Variants in CSMD1 observed in about 807,000 individuals in gnomAD.
CSMD1 encodes CUB and Sushi multiple domains 1, also known as CUB and sushi domain-containing protein 1.
Under a neutral mutation model 417.5 loss-of-function variants are expected in CSMD1, and 213 were observed. That is an observed-to-expected ratio of 0.51 (90% CI 0.46 to 0.57). CSMD1 has a LOEUF of 0.57. Ranked by LOEUF, CSMD1 falls within the 20% of genes least tolerant of loss-of-function variation. CSMD1 has a pLI of 0.00. For missense variants in CSMD1, 6,923 were observed against 4,529.7 expected, an observed-to-expected ratio of 1.53 and a Z score of -15.17; for synonymous variants, 2,862 against 1,736.8, an observed-to-expected ratio of 1.65 and a Z score of -16.11.
chr8:3,117,508 G>A (rs190156618), intron 42 of CSMD1, among the ~76,000 whole-genome samples: 3 of 152,280 alleles, frequency 2.0e-5, no homozygotes, highest in African/African-American at 4.8e-5. Context: ...AAAGGTCCAC[G>A]GAGTTGGTAA....
chr8:3,165,249 T>C (rs534857916), intron 37 of CSMD1, among the ~76,000 whole-genome samples: 106 of 152,142 alleles, frequency 7.0e-4, no homozygotes, highest in African/African-American at 2.4e-3. Context: ...ATCAATATTA[T>C]TTAAACCTGC....
intron 5 of CSMD1, among the ~76,000 whole-genome samples, chr8:3,995,917 G>C (rs1280161637): frequency 6.6e-6 from 1 of 152,132 alleles, no homozygotes; most frequent in Non-Finnish European, 1.5e-5. Flanking sequence ...AATACAGAGA[G>C]AGATTCCAGT....
chr8:3,538,339 A>G (rs947553190), intron 10 of CSMD1, among the ~76,000 whole-genome samples: 15 of 151,284 alleles, frequency 9.9e-5, no homozygotes, highest in African/African-American at 3.7e-4. Flanking sequence ...AGATTATGCA[A>G]CTGACATGCT....
At chr8:3,528,676 C>T (rs1011105966) in intron 10 of CSMD1, among the ~76,000 whole-genome samples, 1 of 152,166 alleles carries the variant, frequency 6.6e-6, no homozygotes, top group African/African-American at 2.4e-5. Flanking sequence ...GACATGGTGG[C>T]TGCACCTCAC....
At chr8:3,755,002 G>A (rs975555052) in intron 5 of CSMD1, among the ~76,000 whole-genome samples, 3 of 152,176 alleles carry the variant, frequency 2.0e-5, no homozygotes, top group African/African-American at 4.8e-5. Flanking sequence ...TCAATTTCTG[G>A]TTAAGCTGTT....
chr8:3,716,724 G>T (rs1288847046), intron 6 of CSMD1, among the ~76,000 whole-genome samples: 1 of 152,094 alleles, frequency 6.6e-6, no homozygotes, highest in African/African-American at 2.4e-5. Context: ...ACTTTCTCCA[G>T]CCCCTATTCA....
intron 42 of CSMD1, among the ~76,000 whole-genome samples, chr8:3,117,780 C>T (rs1343956182): frequency 6.6e-6 from 1 of 152,148 alleles, no homozygotes; most frequent in Non-Finnish European, 1.5e-5. Flanking sequence ...TGCCTCCAGC[C>T]TCTCCGTAGA....
intron 2 of CSMD1, among the ~76,000 whole-genome samples, chr8:4,625,489 C>T (rs73659180): frequency 1.5e-3 from 231 of 151,790 alleles, no homozygotes; most frequent in Non-Finnish European, 1.9e-3. Flanking sequence ...TGAATGAATC[C>T]ACCTTTGTAA....
At chr8:4,625,856 AGG>A (rs1802073986) in intron 2 of CSMD1, among the ~76,000 whole-genome samples, 1 of 151,958 alleles carries the variant, frequency 6.6e-6, no homozygotes, top group Admixed American at 6.6e-5. Context: ...CCCGAGTAGC[AGG>A]GACTACAGGT....
chr8:4,354,904 G>GTGTGTGTGTC (rs1331274827), intron 3 of CSMD1, among the ~76,000 whole-genome samples: 1 of 147,542 alleles, frequency 6.8e-6, no homozygotes, highest in Non-Finnish European at 1.5e-5. Context: ...GTGTGTGTGT[G>GTGTGTGTGTC]TGTGTTAAAT....
intron 30 of CSMD1, among the ~76,000 whole-genome samples, chr8:3,211,524 G>C (rs1398206047): frequency 6.6e-6 from 1 of 152,146 alleles, no homozygotes; most frequent in East Asian, 1.9e-4. Context: ...ACATCAAAAT[G>C]GTTTTGGAAA....
At chr8:4,064,900 T>A (rs2130754370) in intron 3 of CSMD1, among the ~76,000 whole-genome samples, 1 of 151,110 alleles carries the variant, frequency 6.6e-6, no homozygotes, top group African/African-American at 2.4e-5. Flanking sequence ...CACAAAGTGG[T>A]CAATTCCATT....
intron 1 of CSMD1, among the ~76,000 whole-genome samples, chr8:4,759,459 C>A (rs2169739): frequency 0.35 from 52,976 of 152,084 alleles, 10,496 homozygotes; most frequent in East Asian, 0.61. Flanking sequence ...AGATTTGTTA[C>A]ACAGGTAAAT....
intron 5 of CSMD1, among the ~76,000 whole-genome samples, chr8:3,831,910 C>G (rs1349484847): frequency 1.3e-5 from 2 of 152,220 alleles, no homozygotes; most frequent in East Asian, 3.9e-4. Context: ...AATATCAAGA[C>G]TTTTAAAATA....
chr8:4,318,548 A>G (rs1799070849), intron 3 of CSMD1, among the ~76,000 whole-genome samples: 1 of 152,150 alleles, frequency 6.6e-6, no homozygotes, highest in African/African-American at 2.4e-5. Context: ...AAGTTACGTT[A>G]ACAAGAGCTT....
intron 5 of CSMD1, among the ~76,000 whole-genome samples, chr8:3,900,236 G>C (rs577816400): frequency 6.6e-6 from 1 of 151,344 alleles, no homozygotes; most frequent in African/African-American, 2.4e-5. Flanking sequence ...GTTAACAGTG[G>C]AGCTGGGTAA....
At chr8:4,620,365 T>C (rs1426501504) in intron 2 of CSMD1, among the ~76,000 whole-genome samples, 1 of 151,608 alleles carries the variant, frequency 6.6e-6, no homozygotes, top group African/African-American at 2.4e-5. Flanking sequence ...TAGACATCAA[T>C]ATTTCCATTT....
chr8:4,277,021 G>C (rs973620161), intron 3 of CSMD1, among the ~76,000 whole-genome samples: 3 of 151,940 alleles, frequency 2.0e-5, no homozygotes, highest in Admixed American at 6.6e-5. Flanking sequence ...TTCAGAGAAA[G>C]GTCAAAAAAA....
intron 1 of CSMD1, among the ~76,000 whole-genome samples, chr8:4,821,035 C>T (rs1482739713): frequency 6.6e-6 from 1 of 152,078 alleles, no homozygotes; most frequent in African/African-American, 2.4e-5. Context: ...GCTTAGATTG[C>T]TCCACACCAA....
Sources: gnomAD v4.1 joint callset for allele counts (sites outside exome capture counted in the v4.1 genomes callset) on GRCh38, gnomAD v4.1.1 for gene constraint, MANE v1.5 for transcripts, NCBI Gene and HGNC (gene_info 2026-07-23, HGNC 2026-07-21) for gene names.